Variants in AUTS2 observed in about 807,000 individuals in gnomAD.
AUTS2 encodes the protein autism susceptibility gene 2 protein.
Under a neutral mutation model 112.4 loss-of-function variants are expected in AUTS2, and 17 were observed. The observed-to-expected ratio is 0.15, with a 90% confidence interval of 0.10 to 0.23. The LOEUF (loss-of-function observed/expected upper bound fraction) is 0.23. Ranked by LOEUF, AUTS2 falls within the 10% of genes least tolerant of loss-of-function variation. AUTS2 has a pLI of 1.00. For synonymous variants in AUTS2, 751 were observed against 702.7 expected (o/e 1.07, Z -1.09); for missense variants, 1,510 against 1,701.6 (o/e 0.89, Z 1.98).
chr7:69,704,092 C>T (rs1200411518), intron 1 of AUTS2, among the ~76,000 whole-genome samples: 1 of 152,130 alleles, frequency 6.6e-6, no homozygotes, highest in East Asian at 1.9e-4. Flanking sequence ...TGACTTGTCA[C>T]CCTGACTTCA....
chr7:70,234,153 G>A (rs2129597594), intron 4 of AUTS2, among the ~76,000 whole-genome samples: 1 of 152,210 alleles, frequency 6.6e-6, no homozygotes, highest in East Asian at 1.9e-4. Context: ...CTCATAGGCT[G>A]TGCTTTTCTG....
At chr7:69,638,635 ACTTT>A (rs918156917) in intron 1 of AUTS2, among the ~76,000 whole-genome samples, 10 of 151,834 alleles carry the variant, frequency 6.6e-5, no homozygotes, top group Non-Finnish European at 1.3e-4. Flanking sequence ...TTTTTTCCTT[ACTTT>A]CTTTCTTTCT....
rs772919564 is a variant in AUTS2 at position 70,134,555 on chromosome 7, T to G, written c.644T>G (p.Leu215Trp). ...RLSDSSAPSS[L>W]GTGYFCDSDS... ...TTGCAGAGTTCAGCTCCTTCCAGCT[T>G]GGGAACAGGCTACTTCGTAAGTCTA... The change falls in exon 4 of 19, where the codon TTG (leucine) becomes TGG (tryptophan). Residue 215 changes from leucine to tryptophan, a missense_variant. Physicochemically the swap from Leu to Trp is moderately conservative, Grantham distance 61. Coordinates refer to ENST00000342771, the MANE Select transcript of AUTS2 (RefSeq NM_015570.4). 1 of 1,613,918 alleles carries G rather than the reference T, an allele frequency of 6.2e-7. No homozygotes were observed. The highest frequency in any genetic ancestry group is 8.5e-7 in the Non-Finnish European group (1 of 1,179,818).
At chr7:70,731,407 C>T (rs1377402313) in intron 6 of AUTS2, among the ~76,000 whole-genome samples, 4 of 145,168 alleles carry the variant, frequency 2.8e-5, no homozygotes, top group African/African-American at 1.0e-4. Flanking sequence ...TCATATATCC[C>T]CTTTACCCAG....
At chr7:70,351,255 T>C (rs1791745593) in intron 4 of AUTS2, among the ~76,000 whole-genome samples, 1 of 152,156 alleles carries the variant, frequency 6.6e-6, no homozygotes, top group African/African-American at 2.4e-5. Flanking sequence ...GGTTTCACCA[T>C]GTAGGCCAGG....
intron 4 of AUTS2, among the ~76,000 whole-genome samples, chr7:70,214,546 T>G (rs1811078290): frequency 6.6e-6 from 1 of 152,196 alleles, no homozygotes; most frequent in Admixed American, 6.5e-5. Context: ...TCAGGCATAT[T>G]AAAATTAAAG....
intron 2 of AUTS2, among the ~76,000 whole-genome samples, chr7:69,915,183 G>C (rs985614722): frequency 6.6e-6 from 1 of 152,158 alleles, no homozygotes; most frequent in Non-Finnish European, 1.5e-5. Flanking sequence ...CCTAGAGAGG[G>C]AATACCTTCA....
chr7:70,245,391 A>C (rs1812870770), intron 4 of AUTS2, among the ~76,000 whole-genome samples: 1 of 152,140 alleles, frequency 6.6e-6, no homozygotes, highest in Middle Eastern at 3.4e-3. Context: ...CACCAGTCTA[A>C]TTGTTTCACA....
chr7:70,156,891 T>TAAAAAAAAAAAAAAAAAAAA (rs781281055), intron 4 of AUTS2, among the ~76,000 whole-genome samples: 4 of 37,876 alleles, frequency 1.1e-4, no homozygotes, highest in East Asian at 8.4e-4. Flanking sequence ...CTACTAAAAG[T>TAAAAAAAAAAAAAAAAAAAA]AAAAAAAAAA....
intron 1 of AUTS2, among the ~76,000 whole-genome samples, chr7:69,772,320 T>C (rs1450728189): frequency 6.6e-6 from 1 of 152,256 alleles, no homozygotes; most frequent in African/African-American, 2.4e-5. Flanking sequence ...TTAAGTGTTT[T>C]TTCTGATGTT....
intron 5 of AUTS2, among the ~76,000 whole-genome samples, chr7:70,559,653 C>T (rs1801396745): frequency 1.3e-5 from 2 of 152,124 alleles, no homozygotes; most frequent in South Asian, 2.1e-4. Flanking sequence ...TCTTTCTTTA[C>T]TTCCCAGTCT....
chr7:70,106,845 C>T (rs1188636301), intron 2 of AUTS2, among the ~76,000 whole-genome samples: 1 of 151,834 alleles, frequency 6.6e-6, no homozygotes, highest in Non-Finnish European at 1.5e-5. Context: ...AGCTTTCTGT[C>T]ATTGCAGGAT....
rs73438181 is a variant in AUTS2, at chr7:69,802,208, C to T, written c.310-97078C>T. Among the ~76,000 whole-genome samples, 1,514 of 152,222 alleles carry T rather than the reference C, an allele frequency of 9.9e-3. 39 individuals are homozygous for T. The highest frequency in any genetic ancestry group is 0.034 in the African/African-American group (1,426 of 41,524). On this transcript the variant is annotated intron_variant, in intron 1 of 18. Transcript: ENST00000342771. ...CTGAAGACGTATGTTAAGGGGAGAGCGTATGTTTCTTCTTGCCAACTTAGT... is the reference window on the plus strand; with the variant it reads ...CTGAAGACGTATGTTAAGGGGAGAGTGTATGTTTCTTCTTGCCAACTTAGT...
intron 1 of AUTS2, among the ~76,000 whole-genome samples, chr7:69,759,633 T>C (rs781512467): frequency 6.6e-6 from 1 of 152,114 alleles, no homozygotes; most frequent in Admixed American, 6.6e-5. Flanking sequence ...ATGTTGTGCA[T>C]TGGACAGTTA....
At chr7:69,926,173 A>G (rs1796001261) in intron 2 of AUTS2, among the ~76,000 whole-genome samples, 1 of 152,188 alleles carries the variant, frequency 6.6e-6, no homozygotes. Context: ...CAGTCAGCCC[A>G]AGTTGGTTTA....
intron 4 of AUTS2, among the ~76,000 whole-genome samples, chr7:70,318,052 G>A (rs1320376302): frequency 6.6e-6 from 1 of 152,084 alleles, no homozygotes; most frequent in African/African-American, 2.4e-5. Flanking sequence ...TATTCACTGC[G>A]GCGTTTTTAA....
At chr7:70,583,535 A>C (rs1563056740) in intron 5 of AUTS2, among the ~76,000 whole-genome samples, 2 of 152,056 alleles carry the variant, frequency 1.3e-5, no homozygotes, top group Non-Finnish European at 2.9e-5. Context: ...GTAGTGATTC[A>C]TGGGTGTGAG....
intron 1 of AUTS2, among the ~76,000 whole-genome samples, chr7:69,606,542 CTT>C (rs1792727802): frequency 6.6e-6 from 1 of 152,130 alleles, no homozygotes; most frequent in South Asian, 2.1e-4. Context: ...TGCAGCCTAA[CTT>C]TGTAAAAGTG....
intron 5 of AUTS2, among the ~76,000 whole-genome samples, chr7:70,448,677 A>G (rs1240657379): frequency 6.6e-6 from 1 of 152,202 alleles, no homozygotes; most frequent in African/African-American, 2.4e-5. Context: ...AGACAGCATG[A>G]CAACATATGT....
Sources: gnomAD v4.1 joint callset for allele counts (sites outside exome capture counted in the v4.1 genomes callset) on GRCh38, gnomAD v4.1.1 for gene constraint, MANE v1.5 for transcripts, NCBI Gene and HGNC (gene_info 2026-07-23, HGNC 2026-07-21) for gene names.